The following TXNRD1 variants were observed in gnomAD, a reference collection of about 807,000 sequenced individuals.
The protein encoded by TXNRD1 is thioredoxin reductase 1.
A neutral mutation model predicts 80.3 loss-of-function variants in TXNRD1; 57 were observed. That is an observed-to-expected ratio of 0.71 (90% CI 0.57 to 0.89). The LOEUF (loss-of-function observed/expected upper bound fraction) is 0.89. Ranked by LOEUF, TXNRD1 falls within the 40% of genes least tolerant of loss-of-function variation. The pLI, the probability that TXNRD1 is intolerant of heterozygous loss-of-function variation, is 0.00. For missense variants in TXNRD1, 730 were observed against 803.0 expected, an observed-to-expected ratio of 0.91 and a Z score of 1.10; for synonymous variants, 291 against 285.2, an observed-to-expected ratio of 1.02 and a Z score of -0.20.
At chr12:104,285,808 A>G (rs538442549) in intron 3 of TXNRD1, among the ~76,000 whole-genome samples, 2 of 152,290 alleles carry the variant, frequency 1.3e-5, no homozygotes, top group South Asian at 4.1e-4. Flanking sequence ...CAGTCTTTTC[A>G]TGTTTTTCCT....
intron 4 of TXNRD1, chr12:104,291,163 A>C: frequency 2.0e-6 from 1 of 506,918 alleles, no homozygotes; most frequent in East Asian, 3.6e-5. Flanking sequence ...ATCATTTAGC[A>C]TATTTCTTAA....
Position 104,335,263 on chromosome 12 carries a change from G to A in TXNRD1, c.1746+931G>A, listed in dbSNP as rs796167513. 7.8e-4 allele frequency among the ~76,000 whole-genome samples: 116 copies of A among 148,898 alleles called. 1 individual carries two copies. The highest frequency in any genetic ancestry group is 2.4e-3 in the African/African-American group (98 of 40,220). On this transcript the variant is annotated intron_variant, in intron 15 of 16. Transcript: ENST00000525566. ...GTTGCCCAGGCTGGAGTGCAGTGGCGTGATCTTGGTTCACTGCAACCTTCG... is the reference window on the plus strand; with the variant it reads ...GTTGCCCAGGCTGGAGTGCAGTGGCATGATCTTGGTTCACTGCAACCTTCG...
At chr12:104,238,783 G>C (rs987670572) in intron 1 of TXNRD1, among the ~76,000 whole-genome samples, 7 of 151,806 alleles carry the variant, frequency 4.6e-5, no homozygotes, top group South Asian at 2.1e-4. Flanking sequence ...TGCTGGATTT[G>C]GTTTGTTAAT....
intron 12 of TXNRD1, among the ~76,000 whole-genome samples, chr12:104,327,134 A>G (rs2035793612): frequency 1.3e-5 from 2 of 152,324 alleles, no homozygotes; most frequent in Non-Finnish European, 2.9e-5. Context: ...AATTTTTACC[A>G]TAGTTGAGCT....
At chr12:104,257,468 A>G (rs1167857618) in intron 2 of TXNRD1, among the ~76,000 whole-genome samples, 1 of 138,236 alleles carries the variant, frequency 7.2e-6, no homozygotes, top group African/African-American at 2.8e-5. Context: ...GTGCAGTGGT[A>G]CAATCCTGGC....
chr12:104,346,256 T>A, intron 16 of TXNRD1: 1 of 189,042 alleles, frequency 5.3e-6, no homozygotes. Flanking sequence ...CAAGCAATCC[T>A]CCCGCCTTGG....
chr12:104,278,032 A>T (rs1404967691), intron 3 of TXNRD1, among the ~76,000 whole-genome samples: 2 of 150,988 alleles, frequency 1.3e-5, no homozygotes, highest in Non-Finnish European at 2.9e-5. Context: ...GCCTACAACC[A>T]CGCCCGGCTA....
chr12:104,326,817 T>C (rs918609717), intron 12 of TXNRD1, among the ~76,000 whole-genome samples: 11 of 151,152 alleles, frequency 7.3e-5, no homozygotes, highest in African/African-American at 2.7e-4. Context: ...TGGTCAATTA[T>C]AGAATTTTAG....
At chr12:104,219,814 C>A (rs1273881193) in intron 1 of TXNRD1, among the ~76,000 whole-genome samples, 2 of 151,778 alleles carry the variant, frequency 1.3e-5, no homozygotes, top group Non-Finnish European at 2.9e-5. Context: ...AGGAATGTTC[C>A]AAAAGCCAAT....
chr12:104,291,818 G>C (rs912915551), intron 4 of TXNRD1, among the ~76,000 whole-genome samples: 1 of 152,168 alleles, frequency 6.6e-6, no homozygotes, highest in Admixed American at 6.5e-5. Context: ...AAAAATGAAA[G>C]GAGAAACAGC....
intron 1 of TXNRD1, among the ~76,000 whole-genome samples, chr12:104,232,168 C>T (rs1175973484): frequency 6.6e-6 from 1 of 152,158 alleles, no homozygotes. Context: ...CCTTTAAAGC[C>T]AAGCCCAGCC....
chr12:104,334,297 T>C lies in TXNRD1; in HGVS notation c.1711T>C (p.Cys571Arg). The change falls in exon 15 of 17, where the codon TGT becomes CGT. Residue 571 changes from cysteine to arginine, a missense_variant. By Grantham distance (180) the Cys-to-Arg change is radical (BLOSUM62 -3). Coordinates refer to ENST00000525566, the MANE Select transcript of TXNRD1 (RefSeq NM_001093771.3). The part of the protein sequence containing the change: ...WTIPSRDNNK[C>R]YAKIICNTKD... ...GATTCCGTCAAGAGATAACAACAAA[T>C]GTTATGCAAAAATAATCTGTAATAC... The C allele has an allele frequency of 6.5e-7, 1 of 1,534,328 alleles. No homozygotes were observed. The highest frequency in any genetic ancestry group is 8.8e-7 in the Non-Finnish European group (1 of 1,137,204).
chr12:104,267,735 C>CTTTTT (rs2033560819), intron 3 of TXNRD1, among the ~76,000 whole-genome samples: 2 of 135,044 alleles, frequency 1.5e-5, no homozygotes, highest in Non-Finnish European at 3.2e-5. Context: ...TTCTTTCTTT[C>CTTTTT]CTTTCTTCCT....
intron 15 of TXNRD1, among the ~76,000 whole-genome samples, chr12:104,336,079 C>G (rs1248837417): frequency 6.6e-6 from 1 of 152,112 alleles, no homozygotes; most frequent in Non-Finnish European, 1.5e-5. Context: ...TTACTGCAGA[C>G]AAAAGGAGAA....
At chr12:104,294,135 G>A (rs1353921208) in intron 4 of TXNRD1, among the ~76,000 whole-genome samples, 7 of 150,614 alleles carry the variant, frequency 4.6e-5, no homozygotes, top group Non-Finnish European at 5.9e-5. Flanking sequence ...ACAGGGAGAC[G>A]GTTAGGCCTC....
At chr12:104,305,630 C>T (rs117950576) in intron 4 of TXNRD1, among the ~76,000 whole-genome samples, 1,771 of 152,246 alleles carry the variant, frequency 0.012, 15 homozygotes, top group Non-Finnish European at 0.019. Context: ...CACGAGAGGA[C>T]CATTAGATTT....
intron 3 of TXNRD1, chr12:104,283,027 A>G (rs1446041704): frequency 6.6e-6 from 1 of 152,122 alleles, no homozygotes; most frequent in Non-Finnish European, 1.5e-5. Context: ...TAAAACAACA[A>G]TGCATTTGTA....
At chr12:104,252,662 T>TTATATATATATATATATA (rs869105935) in intron 2 of TXNRD1, among the ~76,000 whole-genome samples, 1 of 45,818 alleles carries the variant, frequency 2.2e-5, no homozygotes, top group African/African-American at 8.5e-5. Flanking sequence ...TTATTATTTT[T>TTATATATATATATATATA]TATATATATA....
chr12:104,304,277 A>G lies in TXNRD1; in HGVS notation c.415-7013A>G, dbSNP rs771570720. ...GTTAAACTCAGATATGAACTTCTTTAATCAGTTAGCATTTTGTGACTTTCT... is the reference window on the plus strand; with the variant it reads ...GTTAAACTCAGATATGAACTTCTTTGATCAGTTAGCATTTTGTGACTTTCT... On this transcript the variant is annotated intron_variant, in intron 4 of 16. Transcript: ENST00000525566. The G allele has an allele frequency of 1.4e-5, 22 of 1,613,946 alleles. No individual in the cohort carries two copies. The East Asian group carries it at 4.5e-4, about 33-fold the overall frequency.
Sources: gnomAD v4.1 joint callset for allele counts (sites outside exome capture counted in the v4.1 genomes callset) on GRCh38, gnomAD v4.1.1 for gene constraint, MANE v1.5 for transcripts, NCBI Gene and HGNC (gene_info 2026-07-23, HGNC 2026-07-21) for gene names.